Variants in SIPA1L3 observed in about 807,000 individuals in gnomAD.
SIPA1L3 encodes the protein signal induced proliferation associated 1 like 3.
SIPA1L3 carries 59 observed loss-of-function variants against 150.1 expected under a neutral mutation model. The ratio of observed to expected loss-of-function variants is 0.39; its 90% CI spans 0.32 to 0.49. The LOEUF (loss-of-function observed/expected upper bound fraction) is 0.49. SIPA1L3 is among the 20% of genes least tolerant of loss of function. The pLI is 0.86. For missense variants in SIPA1L3, 2,211 were observed against 2,489.5 expected, an observed-to-expected ratio of 0.89 and a Z score of 2.38; for synonymous variants, 1,070 against 1,077.6, an observed-to-expected ratio of 0.99 and a Z score of 0.14.
intron 9 of SIPA1L3, among the ~76,000 whole-genome samples, chr19:38,127,763 G>A (rs1187155444): frequency 3.3e-5 from 5 of 152,218 alleles, no homozygotes; most frequent in African/African-American, 1.2e-4. Context: ...CCTCCTAAAA[G>A]TGTTGAGATT....
rs149383488 is a variant in SIPA1L3 at position 38,162,258 on chromosome 19, T to C, written c.3667T>C (p.Leu1223=). The C allele has an allele frequency of 1.2e-6, 2 of 1,613,796 alleles. No individual in the cohort carries two copies. Among genetic ancestry groups the C allele is most frequent in the Non-Finnish European group, 8.5e-7 (1 of 1,179,762 alleles). ...STMERQKPEP[L]WHVPAQARLS... ...TGTCTCCTGTTTTCCTACAGAGCCTTTGTGGCATGTGCCTGCCCAGGCCAG... is the reference window on the plus strand; with the variant it reads ...TGTCTCCTGTTTTCCTACAGAGCCTCTGTGGCATGTGCCTGCCCAGGCCAG... Residue 1223 remains leucine, a synonymous_variant, in exon 14 of 22, where the codon TTG becomes CTG. Transcript: ENST00000222345.
chr19:37,995,608 T>C (rs1026505317), intron 1 of SIPA1L3, among the ~76,000 whole-genome samples: 1 of 151,710 alleles, frequency 6.6e-6, no homozygotes, highest in African/African-American at 2.4e-5. Flanking sequence ...CTTCGAAAGG[T>C]TAGTAGGAGT....
intron 6 of SIPA1L3, among the ~76,000 whole-genome samples, chr19:38,104,377 C>T (rs554893815): frequency 2.0e-5 from 3 of 152,272 alleles, no homozygotes; most frequent in South Asian, 4.1e-4. Flanking sequence ...GTAATAATTG[C>T]GCTTATCTTG....
intron 8 of SIPA1L3, among the ~76,000 whole-genome samples, chr19:38,112,095 ACCTAC>A (rs1568556098): frequency 9.4e-6 from 1 of 106,292 alleles, no homozygotes; most frequent in African/African-American, 5.7e-5. Flanking sequence ...ACATGCACAC[ACCTAC>A]ATGCACACAC....
chr19:37,918,238 A>G (rs2046428878), intron 1 of SIPA1L3, among the ~76,000 whole-genome samples: 1 of 151,428 alleles, frequency 6.6e-6, no homozygotes, highest in Non-Finnish European at 1.5e-5. Flanking sequence ...TTGAAAGCTC[A>G]TTTCTTTGTT....
chr19:38,096,338 C>T (rs1011805518), intron 4 of SIPA1L3, among the ~76,000 whole-genome samples: 4 of 152,142 alleles, frequency 2.6e-5, no homozygotes, highest in African/African-American at 9.7e-5. Context: ...CAACCTCCGC[C>T]TCCTGGGTTC....
chr19:37,929,317 G>T (rs1461265647), intron 1 of SIPA1L3, among the ~76,000 whole-genome samples: 1 of 152,234 alleles, frequency 6.6e-6, no homozygotes, highest in African/African-American at 2.4e-5. Flanking sequence ...GGGATATTGG[G>T]TAGGCAGACA....
chr19:38,188,904 C>CAG (rs1326302175), intron 16 of SIPA1L3, among the ~76,000 whole-genome samples: 1 of 148,626 alleles, frequency 6.7e-6, no homozygotes, highest in South Asian at 2.1e-4. Context: ...GCCTGGGAGA[C>CAG]AGCGAGACTC....
Position 38,164,512 on chromosome 19 carries a change from A to G in SIPA1L3, c.3814A>G (p.Asn1272Asp). ...TCAATACTCAAGTCATTCCAGCAGCAACACCCTCTCCAGCAACGCATCCAG... is the reference window on the plus strand; with the variant it reads ...TCAATACTCAAGTCATTCCAGCAGCGACACCCTCTCCAGCAACGCATCCAG... ...EPQYSSHSSSNTLSSNASSSH... is the reference protein window; with the variant it reads ...EPQYSSHSSSDTLSSNASSSH... Residue 1272 changes from asparagine (N) to aspartate (D), a missense_variant, in exon 15 of 22, where the codon AAC (asparagine) becomes GAC (aspartate). Physicochemically the swap from Asn to Asp is conservative, Grantham distance 23. Coordinates refer to ENST00000222345, the MANE Select transcript of SIPA1L3 (RefSeq NM_015073.3). This position sits in a 1 kb window ranked among gnomAD's most constrained non-coding sequence, Gnocchi z 4.1. 6.2e-7 allele frequency: 1 copy of G among 1,613,214 alleles called. No individual in the cohort carries two copies. The highest frequency in any genetic ancestry group is 8.5e-7 in the Non-Finnish European group (1 of 1,179,378).
At chr19:38,191,720 G>A (rs1972807484) in intron 16 of SIPA1L3, among the ~76,000 whole-genome samples, 1 of 110,078 alleles carries the variant, frequency 9.1e-6, no homozygotes, top group East Asian at 2.6e-4. Context: ...GCTGAGGCAG[G>A]AGAGTAGCTT....
chr19:38,057,853 A>T (rs923870665), intron 2 of SIPA1L3, among the ~76,000 whole-genome samples: 5 of 151,792 alleles, frequency 3.3e-5, no homozygotes, highest in Non-Finnish European at 5.9e-5. Context: ...TAGTAGAGAC[A>T]GGGTTTCACC....
intron 1 of SIPA1L3, among the ~76,000 whole-genome samples, chr19:38,013,331 A>G (rs971290135): frequency 6.6e-6 from 1 of 152,202 alleles, no homozygotes. Flanking sequence ...TAGAGGATTA[A>G]TGAGCTCAAC....
At chr19:38,111,948 CAT>C (rs1970761542) in intron 8 of SIPA1L3, among the ~76,000 whole-genome samples, 2 of 150,934 alleles carry the variant, frequency 1.3e-5, no homozygotes, top group African/African-American at 4.9e-5. Context: ...CATGCACACA[CAT>C]ACATGCACAC....
chr19:38,136,204 A>AAAG (rs1971432884), intron 10 of SIPA1L3, among the ~76,000 whole-genome samples: 1 of 150,594 alleles, frequency 6.6e-6, no homozygotes, highest in African/African-American at 2.4e-5. Flanking sequence ...AAAAAAAAAA[A>AAAG]AAGAAGAATG....
At chr19:38,101,611 G>A (rs1654369) in intron 6 of SIPA1L3, among the ~76,000 whole-genome samples, 93,073 of 151,992 alleles carry the variant, frequency 0.61, 30,758 homozygotes, top group African/African-American at 0.86. Flanking sequence ...GGCTTTCACC[G>A]TGTTGGCCAG....
chr19:38,034,964 G>C (rs1027377183), intron 2 of SIPA1L3, among the ~76,000 whole-genome samples: 1 of 152,160 alleles, frequency 6.6e-6, no homozygotes, highest in Non-Finnish European at 1.5e-5. Context: ...CTCATGGCTG[G>C]GTGGCTCTGC....
intron 17 of SIPA1L3, among the ~76,000 whole-genome samples, chr19:38,192,732 C>T (rs1972832114): frequency 6.6e-6 from 1 of 152,174 alleles, no homozygotes; most frequent in Admixed American, 6.5e-5. Flanking sequence ...AGGGAACCTC[C>T]ACAGCATCCA....
chr19:37,974,240 G>C (rs548659707), intron 1 of SIPA1L3, among the ~76,000 whole-genome samples: 20 of 152,242 alleles, frequency 1.3e-4, no homozygotes, highest in Middle Eastern at 3.4e-3. Context: ...CTTATTTGTG[G>C]CTGGGCATGA....
At chr19:37,991,417 A>G (rs1967506694) in intron 1 of SIPA1L3, among the ~76,000 whole-genome samples, 1 of 152,242 alleles carries the variant, frequency 6.6e-6, no homozygotes, top group Non-Finnish European at 1.5e-5. Flanking sequence ...AGGCCCTGCC[A>G]GCATGGAAAG....
Sources: allele counts gnomAD v4.1 joint callset (sites outside exome capture counted in the v4.1 genomes callset), GRCh38; gene constraint gnomAD v4.1.1; non-coding constraint Gnocchi (gnomAD v3.1); transcripts MANE v1.5; gene names NCBI Gene and HGNC (gene_info 2026-07-23, HGNC 2026-07-21).